Variants in HERC4 observed in about 807,000 individuals in gnomAD.
HERC4 encodes HECT and RLD domain containing E3 ubiquitin protein ligase 4, also known as probable E3 ubiquitin-protein ligase HERC4.
HERC4 carries 28 observed loss-of-function variants against 124.3 expected under a neutral mutation model. The ratio of observed to expected loss-of-function variants is 0.23; its 90% CI spans 0.17 to 0.31. HERC4 has a LOEUF of 0.31. Ranked by LOEUF, HERC4 falls within the 10% of genes least tolerant of loss-of-function variation. The pLI is 1.00. For missense variants in HERC4, 713 were observed against 1,229.3 expected (o/e 0.58, Z 6.28); for synonymous variants, 407 against 421.5 (o/e 0.97, Z 0.42).
At chr10:67,955,330 C>G in intron 17 of HERC4, 200 bp from the exon 18 acceptor site, 1 of 496,082 alleles carries the variant, frequency 2.0e-6, no homozygotes, top group Non-Finnish European at 3.5e-6. Flanking sequence ...TGTTTTTATA[C>G]TAATGTATAA....
intron 3 of HERC4, among the ~76,000 whole-genome samples, chr10:68,051,973 CT>C (rs2040337410): frequency 6.6e-6 from 1 of 151,854 alleles, no homozygotes. Context: ...CCAGCCTCAA[CT>C]TTTCTTTATG....
Position 68,035,156 on chromosome 10 carries a change from C to CTT in HERC4, c.464-972_464-971dup, listed in dbSNP as rs34966031. On this transcript the variant is annotated intron_variant, in intron 5 of 24. Coordinates refer to ENST00000373700, the MANE Select transcript of HERC4 (RefSeq NM_015601.4). ...GTTCCTCTTTCAAGAGACAACCACT[C>CTT]TTTTTTTTTTTTTTTTGAGACAGTC... Among the ~76,000 whole-genome samples the CTT allele has an allele frequency of 2.8e-3, 385 of 139,650 alleles. 1 individual carries two copies. Among genetic ancestry groups the CTT allele is most frequent in the Admixed American group, 2.7e-3 (37 of 13,764 alleles). The allele number at this position is 139,650 out of a possible 152,430, so 91.6% of individuals were successfully genotyped here.
chr10:67,958,104 G>A (rs1260011654), intron 16 of HERC4, among the ~76,000 whole-genome samples: 1 of 152,180 alleles, frequency 6.6e-6, no homozygotes, highest in African/African-American at 2.4e-5. Flanking sequence ...ACTGTGCCCA[G>A]CCTGAATCTG....
intron 9 of HERC4, among the ~76,000 whole-genome samples, chr10:68,006,664 C>T (rs1286976350): frequency 6.6e-6 from 1 of 152,140 alleles, no homozygotes; most frequent in Non-Finnish European, 1.5e-5. Flanking sequence ...AAGCATGAGC[C>T]ACCACGCCCG....
chr10:68,033,889 C>T, intron 6 of HERC4, 76 bp downstream of exon 6: 2 of 1,213,098 alleles, frequency 1.6e-6, no homozygotes, highest in Non-Finnish European at 2.4e-6. Context: ...CTCTCTTACA[C>T]TAAGAATCAC....
intron 19 of HERC4, among the ~76,000 whole-genome samples, chr10:67,950,169 T>C (rs1463495543): frequency 2.0e-5 from 3 of 151,958 alleles, no homozygotes; most frequent in Non-Finnish European, 4.4e-5. Context: ...TTGGGAAAAA[T>C]CCACAGGTAA....
chr10:67,959,041 G>T, intron 16 of HERC4: 1 of 1,272,938 alleles, frequency 7.9e-7, no homozygotes, highest in Non-Finnish European at 1.1e-6. Context: ...ACGAATCTTT[G>T]GCTCTTCTAT....
At chr10:67,992,130 C>G (rs2036585120) in intron 11 of HERC4, 69 bp downstream of exon 11, 1 of 1,482,976 alleles carries the variant, frequency 6.7e-7, no homozygotes, top group South Asian at 1.2e-5. Context: ...TTCCTGGGCT[C>G]AGGCAATCTG....
chr10:68,025,181 T>C (rs929728291), intron 8 of HERC4, among the ~76,000 whole-genome samples: 6 of 152,010 alleles, frequency 3.9e-5, no homozygotes, highest in African/African-American at 1.4e-4. Flanking sequence ...TAAGCCATAA[T>C]TGTGGTACTC....
intron 8 of HERC4, among the ~76,000 whole-genome samples, chr10:68,023,118 A>G (rs1296850352): frequency 6.6e-6 from 1 of 152,218 alleles, no homozygotes; most frequent in Non-Finnish European, 1.5e-5. Context: ...AGTTACTATG[A>G]GAAACAGTAT....
chr10:67,930,776 T>C (rs2031713476), intron 23 of HERC4, among the ~76,000 whole-genome samples: 1 of 152,200 alleles, frequency 6.6e-6, no homozygotes, highest in Non-Finnish European at 1.5e-5. Context: ...GCCTCCCAGG[T>C]TCAAGTGATT....
chr10:68,015,156 A>T (rs564460025), intron 8 of HERC4, among the ~76,000 whole-genome samples: 3 of 151,954 alleles, frequency 2.0e-5, no homozygotes, highest in African/African-American at 7.2e-5. Context: ...CCTTTGCCTC[A>T]CAAGTGGCTT....
intron 19 of HERC4, among the ~76,000 whole-genome samples, chr10:67,941,501 G>A (rs2132138649): frequency 6.6e-6 from 1 of 151,876 alleles, no homozygotes; most frequent in East Asian, 1.9e-4. Context: ...AAAAGAAAAT[G>A]AATAAACACC....
chr10:68,059,654 TATCATATTATATATTATATTATATATC>T lies in HERC4; in HGVS notation c.226+13202_226+13228del, dbSNP rs1245008033. Among the ~76,000 whole-genome samples the T allele has an allele frequency of 1.4e-4, 9 of 65,932 alleles. 3 individuals are homozygous for T. Among genetic ancestry groups the T allele is most frequent in the African/African-American group, 1.1e-3 (9 of 8,430 alleles). The allele number at this position is 65,932 out of a possible 152,430, so 43.3% of individuals were successfully genotyped here. On this transcript the variant is annotated intron_variant, in intron 3 of 24. Transcript: ENST00000373700. ...TCATAATATTATATATTATATTATATATCATATTATATATTATATTATATATCATAATATTATATATTATAATATTAT... is the reference window on the plus strand; with the variant it reads ...TCATAATATTATATATTATATTATATATAATATTATATATTATAATATTAT...
Position 68,034,272 on chromosome 10 carries a change from T to C in HERC4, c.464-86A>G, listed in dbSNP as rs2039348432. 4 of 943,020 alleles carry C rather than the reference T, an allele frequency of 4.2e-6. No individual in the cohort carries two copies. In the African/African-American group the frequency reaches 5.0e-5, roughly 12 times the overall value. 58.4% of individuals were successfully genotyped at this position (943,020 alleles called of 1,614,324 possible). ...AATAATCATTTCATTTCAAATTTCA[T>C]ATAAAGAATATTATTTTGGGACATT... On this transcript the variant is annotated intron_variant, in intron 5 of 24. Coordinates refer to ENST00000373700, the MANE Select transcript of HERC4 (RefSeq NM_015601.4).
rs61857523 is a variant in HERC4 at position 68,055,748 on chromosome 10, C to T, written c.227-11185G>A. Among the ~76,000 whole-genome samples, 228 of 150,322 alleles carry T rather than the reference C, an allele frequency of 1.5e-3. 1 individual carries two copies. Among genetic ancestry groups the T allele is most frequent in the Non-Finnish European group, 2.8e-3 (187 of 67,556 alleles). On this transcript the variant is annotated intron_variant, in intron 3 of 24. Transcript: ENST00000373700. ...GTTTTATTTTTACTTAGGGGCATTA[C>T]AATATCCTTTTTTTTTTTTTTGAGA...
chr10:68,036,649 T>C lies in HERC4; in HGVS notation c.463+1444A>G, dbSNP rs142033941. ...CTCCCTCACAACACCCACATAAAACTACATGCCAATATTCAAATACACCAC... is the reference window on the plus strand; with the variant it reads ...CTCCCTCACAACACCCACATAAAACCACATGCCAATATTCAAATACACCAC... On this transcript the variant is annotated intron_variant, in intron 5 of 24. Coordinates refer to ENST00000373700, the MANE Select transcript of HERC4 (RefSeq NM_015601.4). 2.9e-4 allele frequency among the ~76,000 whole-genome samples: 44 copies of C among 152,216 alleles called. No homozygotes were observed. In the East Asian group the frequency reaches 8.3e-3, roughly 29 times the overall value.
chr10:67,930,322 C>T (rs1473040956), intron 23 of HERC4, among the ~76,000 whole-genome samples: 1 of 152,130 alleles, frequency 6.6e-6, no homozygotes, highest in Non-Finnish European at 1.5e-5. Flanking sequence ...GTAGCATTAA[C>T]TACATTCACA....
chr10:68,009,637 T>C (rs1482171925), intron 9 of HERC4, among the ~76,000 whole-genome samples: 2 of 152,284 alleles, frequency 1.3e-5, no homozygotes, highest in East Asian at 3.9e-4. Context: ...GCTGTGGCAA[T>C]TTCTTAAAAT....
Sources: gnomAD v4.1 joint callset for allele counts (sites outside exome capture counted in the v4.1 genomes callset) on GRCh38, gnomAD v4.1.1 for gene constraint, MANE v1.5 for transcripts, NCBI Gene and HGNC (gene_info 2026-07-23, HGNC 2026-07-21) for gene names.